SHISA9: variants seen among roughly 807,000 people sequenced by gnomAD.
The protein encoded by SHISA9 is protein shisa-9.
Under a neutral mutation model 38.0 loss-of-function variants are expected in SHISA9, and 13 were observed. That is an observed-to-expected ratio of 0.34 (90% CI 0.22 to 0.54). The LOEUF (loss-of-function observed/expected upper bound fraction) is 0.54. Ranked by LOEUF, SHISA9 falls within the 20% of genes least tolerant of loss-of-function variation. The pLI is 0.91. For synonymous variants in SHISA9, 275 were observed against 242.0 expected (o/e 1.14, Z -1.27); for missense variants, 538 against 575.8 (o/e 0.93, Z 0.67).
At chr16:13,413,313 T>A in the SHISA9 span, among the ~76,000 whole-genome samples, 1 of 152,208 alleles carries the variant, frequency 6.6e-6, no homozygotes, top group Non-Finnish European at 1.5e-5. Flanking sequence ...ACTCTTGTCA[T>A]CAGTTTTTAT....
chr16:13,552,068 T>C, the SHISA9 span, among the ~76,000 whole-genome samples: 2 of 152,032 alleles, frequency 1.3e-5, no homozygotes, highest in Admixed American at 6.5e-5. Flanking sequence ...TGGGGACGCA[T>C]TTTGCTTCAG....
chr16:13,252,844 TAATG>T, the SHISA9 span, among the ~76,000 whole-genome samples: 1 of 152,162 alleles, frequency 6.6e-6, no homozygotes, highest in Non-Finnish European at 1.5e-5. Context: ...TTGAATGAAT[TAATG>T]AATGAATGAA....
intron 2 of SHISA9, among the ~76,000 whole-genome samples, chr16:13,069,149 A>G (rs1162970707): frequency 6.6e-6 from 1 of 151,360 alleles, no homozygotes. Context: ...GTACATATGC[A>G]TGTATGTGTA....
At chr16:13,180,644 A>AC (rs2050769452) in intron 2 of SHISA9, among the ~76,000 whole-genome samples, 2 of 152,154 alleles carry the variant, frequency 1.3e-5, no homozygotes, top group Non-Finnish European at 2.9e-5. Context: ...GCTATAGTGA[A>AC]CCATGACTGC....
chr16:13,073,823 T>C (rs2073547585), intron 2 of SHISA9, among the ~76,000 whole-genome samples: 1 of 151,996 alleles, frequency 6.6e-6, no homozygotes, highest in Non-Finnish European at 1.5e-5. Flanking sequence ...CAAAGATAGC[T>C]GGTAACATTT....
the SHISA9 span, among the ~76,000 whole-genome samples, chr16:13,423,524 C>T: frequency 1.3e-5 from 2 of 152,092 alleles, no homozygotes; most frequent in Non-Finnish European, 2.9e-5. Flanking sequence ...CTTTGGCTTT[C>T]GGGGACTAAT....
chr16:13,409,160 G>A, the SHISA9 span, among the ~76,000 whole-genome samples: 17 of 152,028 alleles, frequency 1.1e-4, no homozygotes, highest in African/African-American at 2.2e-4. Flanking sequence ...GGGGGTAGTC[G>A]GAGAGGAGTT....
the SHISA9 span, among the ~76,000 whole-genome samples, chr16:13,284,887 C>G: frequency 6.6e-6 from 1 of 152,214 alleles, no homozygotes; most frequent in African/African-American, 2.4e-5. Flanking sequence ...GCGTGAGCCA[C>G]TGTGCCCAGT....
the SHISA9 span, among the ~76,000 whole-genome samples, chr16:13,295,598 G>A: frequency 0.017 from 2,623 of 152,260 alleles, 32 homozygotes; most frequent in Middle Eastern, 0.027. Flanking sequence ...TATCAGGCTC[G>A]AAAGGCCAGC....
the SHISA9 span, among the ~76,000 whole-genome samples, chr16:13,314,105 G>A: frequency 1.3e-5 from 2 of 152,180 alleles, no homozygotes; most frequent in Non-Finnish European, 2.9e-5. Flanking sequence ...TGAGCTAGGT[G>A]ATCTCCAAGC....
chr16:13,015,710 T>C (rs112688884), intron 2 of SHISA9, among the ~76,000 whole-genome samples: 3 of 152,054 alleles, frequency 2.0e-5, no homozygotes, highest in African/African-American at 7.2e-5. Flanking sequence ...GATACACCGG[T>C]TCCCTACTGG....
intron 2 of SHISA9, among the ~76,000 whole-genome samples, chr16:12,999,370 C>T (rs1270868813): frequency 1.3e-5 from 2 of 152,084 alleles, no homozygotes; most frequent in Admixed American, 6.5e-5. Context: ...ACAATGGGCG[C>T]GTTGTGTGGT....
chr16:13,281,317 A>G, the SHISA9 span, among the ~76,000 whole-genome samples: 5 of 151,774 alleles, frequency 3.3e-5, no homozygotes, highest in Non-Finnish European at 7.4e-5. Flanking sequence ...ATGGTTTCTT[A>G]TTAATATGTT....
At chr16:13,285,705 G>A in the SHISA9 span, among the ~76,000 whole-genome samples, 2 of 152,068 alleles carry the variant, frequency 1.3e-5, no homozygotes, top group African/African-American at 4.8e-5. Context: ...AAGTGTAAAT[G>A]TCAGATAAAG....
chr16:13,526,596 G>A, the SHISA9 span, among the ~76,000 whole-genome samples: 3 of 152,100 alleles, frequency 2.0e-5, no homozygotes, highest in Non-Finnish European at 2.9e-5. Flanking sequence ...ATGTTGGCCA[G>A]GCTGGTCTCG....
intron 2 of SHISA9, among the ~76,000 whole-genome samples, chr16:12,986,678 A>G (rs989763732): frequency 1.3e-5 from 2 of 152,208 alleles, no homozygotes; most frequent in Non-Finnish European, 2.9e-5. Flanking sequence ...GCTTCCCAGA[A>G]TTTAATAGTG....
chr16:13,149,807 C>A (rs1033393918), intron 2 of SHISA9, among the ~76,000 whole-genome samples: 2 of 151,258 alleles, frequency 1.3e-5, no homozygotes, highest in Non-Finnish European at 2.9e-5. Context: ...TGCCGGCAAT[C>A]ACAGCTACAC....
intron 2 of SHISA9, among the ~76,000 whole-genome samples, chr16:13,177,122 TG>T (rs753164461): frequency 8.5e-5 from 13 of 152,098 alleles, no homozygotes; most frequent in South Asian, 2.1e-4. Flanking sequence ...TCAGAAGTGG[TG>T]GGGAATTTGA....
chr16:13,408,547 A>G, the SHISA9 span, among the ~76,000 whole-genome samples: 34 of 152,350 alleles, frequency 2.2e-4, no homozygotes, highest in African/African-American at 7.9e-4. Flanking sequence ...TATTATTATC[A>G]ATGACTCAGA....
Sources: gnomAD v4.1 joint callset for allele counts (sites outside exome capture counted in the v4.1 genomes callset) on GRCh38, gnomAD v4.1.1 for gene constraint, MANE v1.5 for transcripts, NCBI Gene and HGNC (gene_info 2026-07-23, HGNC 2026-07-21) for gene names.